The following NRG1 variants were observed in gnomAD, a reference collection of about 807,000 sequenced individuals.
The protein encoded by NRG1 is pro-neuregulin-1, membrane-bound isoform.
NRG1 carries 18 observed loss-of-function variants against 63.8 expected under a neutral mutation model. That is an observed-to-expected ratio of 0.28 (90% CI 0.19 to 0.42). The LOEUF is 0.42. NRG1 is among the 10% of genes least tolerant of loss of function. The pLI is 1.00. For synonymous variants in NRG1, 302 were observed against 301.3 expected (o/e 1.00, Z -0.02); for missense variants, 762 against 814.7 (o/e 0.94, Z 0.79).
intron 1 of NRG1, among the ~76,000 whole-genome samples, chr8:32,259,079 C>T (rs755935239): frequency 6.6e-6 from 1 of 152,170 alleles, no homozygotes; most frequent in Non-Finnish European, 1.5e-5. Context: ...AATGATTTCT[C>T]TCATGAATCC....
intron 1 of NRG1, among the ~76,000 whole-genome samples, chr8:32,120,588 A>G (rs1231740347): frequency 6.6e-6 from 1 of 152,104 alleles, no homozygotes; most frequent in Non-Finnish European, 1.5e-5. Context: ...AAAACTGAAC[A>G]GTAGTAGCTA....
At chr8:31,958,262 C>A (rs1384386451) in intron 1 of NRG1, among the ~76,000 whole-genome samples, 1 of 151,624 alleles carries the variant, frequency 6.6e-6, no homozygotes, top group Non-Finnish European at 1.5e-5. Context: ...TGTTTTTAAA[C>A]AAAATTAAAA....
intron 1 of NRG1, among the ~76,000 whole-genome samples, chr8:32,091,998 A>C (rs570372940): frequency 2.0e-5 from 3 of 152,264 alleles, no homozygotes; most frequent in African/African-American, 7.2e-5. Context: ...CCAGAGATTG[A>C]AAATGAACAT....
intron 1 of NRG1, among the ~76,000 whole-genome samples, chr8:31,790,720 G>A (rs1345882820): frequency 6.6e-6 from 1 of 152,078 alleles, no homozygotes; most frequent in Non-Finnish European, 1.5e-5. Context: ...ACTCCCCACT[G>A]CTTAAAGTTG....
intron 1 of NRG1, among the ~76,000 whole-genome samples, chr8:32,342,433 A>G (rs947973738): frequency 3.9e-5 from 6 of 152,110 alleles, no homozygotes; most frequent in Admixed American, 3.9e-4. Context: ...CAAGTGTTTC[A>G]TTTTTACAGC....
chr8:32,417,246 A>C (rs1424949962), intron 1 of NRG1, among the ~76,000 whole-genome samples: 3 of 152,162 alleles, frequency 2.0e-5, no homozygotes, highest in Non-Finnish European at 2.9e-5. Context: ...CACTAGTATC[A>C]ACTGCCATAC....
At chr8:32,632,791 C>T (rs533627983) in intron 5 of NRG1, among the ~76,000 whole-genome samples, 89 of 152,270 alleles carry the variant, frequency 5.8e-4, no homozygotes, top group African/African-American at 2.1e-3. Context: ...CATCTCTGAG[C>T]AGCTCATTCA....
At chr8:31,903,488 TCATGG>T (rs1832270903) in intron 1 of NRG1, among the ~76,000 whole-genome samples, 1 of 151,696 alleles carries the variant, frequency 6.6e-6, no homozygotes, top group South Asian at 2.1e-4. Flanking sequence ...GCCCTAAACA[TCATGG>T]CAAAGAGTCT....
chr8:32,407,126 T>C (rs757211784), intron 1 of NRG1, among the ~76,000 whole-genome samples: 2 of 151,760 alleles, frequency 1.3e-5, no homozygotes, highest in Non-Finnish European at 2.9e-5. Flanking sequence ...TTCATAGAAA[T>C]GCTTAAAATT....
At chr8:31,786,654 A>G (rs1820203834) in intron 1 of NRG1, among the ~76,000 whole-genome samples, 1 of 152,206 alleles carries the variant, frequency 6.6e-6, no homozygotes, top group South Asian at 2.1e-4. Context: ...AAGTTGGTAG[A>G]GTGATTCACA....
chr8:31,976,691 G>GTA (rs1160313240), intron 1 of NRG1, among the ~76,000 whole-genome samples: 1 of 44,982 alleles, frequency 2.2e-5, no homozygotes, highest in Non-Finnish European at 4.8e-5. Context: ...GTGTGTGTGT[G>GTA]TGTGTGTATG....
chr8:32,388,876 T>C (rs919392377), intron 1 of NRG1, among the ~76,000 whole-genome samples: 7 of 152,198 alleles, frequency 4.6e-5, no homozygotes, highest in Non-Finnish European at 8.8e-5. Flanking sequence ...ACGTTCCAGA[T>C]GGAATTTTCT....
chr8:31,645,737 C>T (rs545150498), intron 1 of NRG1, among the ~76,000 whole-genome samples: 2 of 152,134 alleles, frequency 1.3e-5, no homozygotes, highest in Non-Finnish European at 2.9e-5. Context: ...GAAGTTCTTT[C>T]CTGGCCCTTG....
intron 1 of NRG1, among the ~76,000 whole-genome samples, chr8:32,382,066 C>T (rs922165754): frequency 3.3e-5 from 5 of 152,036 alleles, no homozygotes; most frequent in African/African-American, 1.2e-4. Flanking sequence ...ACTATAAGTT[C>T]TTAGAATTTA....
At chr8:32,118,792 A>T (rs1028454552) in intron 1 of NRG1, among the ~76,000 whole-genome samples, 79 of 152,172 alleles carry the variant, frequency 5.2e-4, no homozygotes, top group African/African-American at 1.7e-3. Flanking sequence ...GGCATCAGAT[A>T]CCTTCTGTGG....
chr8:32,329,680 T>G (rs574576164), intron 1 of NRG1, among the ~76,000 whole-genome samples: 37 of 152,222 alleles, frequency 2.4e-4, no homozygotes, highest in Admixed American at 8.5e-4. Context: ...ATTAGCTGCT[T>G]CTTCTATCAC....
intron 9 of NRG1, among the ~76,000 whole-genome samples, chr8:32,757,719 G>C (rs146844978): frequency 1.8e-4 from 28 of 152,202 alleles, no homozygotes; most frequent in African/African-American, 6.3e-4. Flanking sequence ...CTCACATTGT[G>C]CATCTTTGGG....
At chr8:32,073,008 G>A (rs200307846) in intron 1 of NRG1, among the ~76,000 whole-genome samples, 1 of 150,030 alleles carries the variant, frequency 6.7e-6, no homozygotes. Flanking sequence ...TCAGGTCTGG[G>A]AAAAAAAAAA....
At chr8:32,740,554 G>A (rs2129037065) in intron 6 of NRG1, among the ~76,000 whole-genome samples, 1 of 152,118 alleles carries the variant, frequency 6.6e-6, no homozygotes, top group Admixed American at 6.6e-5. Flanking sequence ...ATTCCCTGCA[G>A]CAAAAATATT....
Sources: allele counts gnomAD v4.1 joint callset (sites outside exome capture counted in the v4.1 genomes callset), GRCh38; gene constraint gnomAD v4.1.1; transcripts MANE v1.5; gene names NCBI Gene and HGNC (gene_info 2026-07-23, HGNC 2026-07-21).